Variants in DSCAM observed in about 807,000 individuals in gnomAD.
DSCAM encodes the protein DS cell adhesion molecule.
A neutral mutation model predicts 217.7 loss-of-function variants in DSCAM; 47 were observed. That is an observed-to-expected ratio of 0.22 (90% CI 0.17 to 0.28). The LOEUF (loss-of-function observed/expected upper bound fraction) is 0.28, where lower values mean the gene tolerates loss of function less well. Ranked by LOEUF, DSCAM falls within the 10% of genes least tolerant of loss-of-function variation. The probability of loss-of-function intolerance (pLI) is 1.00; values close to 1 mark genes in which losing one functional copy is unlikely to be tolerated. For missense variants in DSCAM, 2,080 were observed against 2,618.3 expected, an observed-to-expected ratio of 0.79 and a Z score of 4.49; for synonymous variants, 1,056 against 1,015.3, an observed-to-expected ratio of 1.04 and a Z score of -0.76.
chr21:40,126,739 C>T (rs978951623), intron 19 of DSCAM, among the ~76,000 whole-genome samples: 4 of 152,142 alleles, frequency 2.6e-5, no homozygotes, highest in African/African-American at 7.2e-5. Context: ...GTGTCACAGC[C>T]GATCAAGGGA....
rs368702813 is a variant in DSCAM, at chr21:40,541,768, G to A, written c.508+151042C>T. 7.1e-4 allele frequency among the ~76,000 whole-genome samples: 108 copies of A among 152,266 alleles called. 3 individuals are homozygous for A. In the South Asian group the frequency reaches 0.022, roughly 30 times the overall value. On this transcript the variant is annotated intron_variant, in intron 3 of 32. Coordinates refer to ENST00000400454, the MANE Select transcript of DSCAM (RefSeq NM_001389.5). ...ATACTTAAGGAAGAATGATTTTTCA[G>A]TATATTGATGTTTAGGAAGACTTGG...
intron 9 of DSCAM, among the ~76,000 whole-genome samples, chr21:40,299,044 C>T (rs1159719): frequency 0.18 from 27,479 of 152,020 alleles, 4,583 homozygotes; most frequent in African/African-American, 0.43. Flanking sequence ...GGATTTCCCA[C>T]GTACACCTCT....
chr21:40,341,309 G>C (rs1325145488), intron 6 of DSCAM, among the ~76,000 whole-genome samples: 2 of 152,122 alleles, frequency 1.3e-5, no homozygotes, highest in Non-Finnish European at 2.9e-5. Context: ...AGGAGTACTG[G>C]AGTTATTTCA....
chr21:40,771,322 A>C (rs542197486), intron 1 of DSCAM, among the ~76,000 whole-genome samples: 1 of 152,334 alleles, frequency 6.6e-6, no homozygotes, highest in African/African-American at 2.4e-5. Flanking sequence ...GTCATAACGC[A>C]GTTCTGAGCT....
intron 3 of DSCAM, among the ~76,000 whole-genome samples, chr21:40,607,726 G>A (rs1199877424): frequency 1.3e-5 from 2 of 152,118 alleles, no homozygotes; most frequent in African/African-American, 4.8e-5. Context: ...CTGCTGCCAT[G>A]TAAGACGTGC....
chr21:40,171,419 G>C (rs1447998088), intron 15 of DSCAM, among the ~76,000 whole-genome samples: 1 of 152,116 alleles, frequency 6.6e-6, no homozygotes, highest in Non-Finnish European at 1.5e-5. Context: ...AAGAGGAGAG[G>C]GGGTACAGTT....
At chr21:40,685,555 G>A in intron 3 of DSCAM, among the ~76,000 whole-genome samples, 1 of 152,318 alleles carries the variant, frequency 6.6e-6, no homozygotes, top group South Asian at 2.1e-4. Context: ...CATTGCTGGA[G>A]AAATTAAGTG....
At chr21:40,208,717 C>T (rs1037279283) in intron 11 of DSCAM, among the ~76,000 whole-genome samples, 8 of 152,158 alleles carry the variant, frequency 5.3e-5, no homozygotes, top group African/African-American at 1.9e-4. Context: ...CCTGACATAA[C>T]TGTTATCCGT....
intron 3 of DSCAM, among the ~76,000 whole-genome samples, chr21:40,594,356 C>T (rs1464099373): frequency 6.6e-6 from 1 of 152,156 alleles, no homozygotes; most frequent in Non-Finnish European, 1.5e-5. Flanking sequence ...CATAGCTTAT[C>T]ACAATAGCGG....
At chr21:40,268,278 C>T (rs1775867714) in intron 11 of DSCAM, among the ~76,000 whole-genome samples, 1 of 152,172 alleles carries the variant, frequency 6.6e-6, no homozygotes, top group Admixed American at 6.5e-5. Context: ...CACTAGGGAG[C>T]ATTCAGTGAA....
chr21:40,160,038 G>T (rs1407279644), intron 16 of DSCAM, among the ~76,000 whole-genome samples: 1 of 152,190 alleles, frequency 6.6e-6, no homozygotes, highest in Admixed American at 6.5e-5. Context: ...CTAGGATAGG[G>T]ATCCAAATCG....
intron 3 of DSCAM, among the ~76,000 whole-genome samples, chr21:40,656,327 C>T (rs1232573234): frequency 1.3e-5 from 2 of 152,144 alleles, no homozygotes; most frequent in Middle Eastern, 6.3e-3. Flanking sequence ...TCACCAGCCC[C>T]TTCAAAATCC....
rs570754912 is a variant in DSCAM, at chr21:40,060,471, G to A, written c.4919+2398C>T. Among the ~76,000 whole-genome samples, 37 of 152,122 alleles carry A rather than the reference G, an allele frequency of 2.4e-4. 1 individual carries two copies. The highest frequency in any genetic ancestry group is 8.9e-4 in the African/African-American group (37 of 41,532). ...AGTTTGGGAGTAGATAGGGGAGGGG[G>A]CCAGGGTAGGTTGTGCAGAGCACAG... is the stretch of plus-strand genomic sequence containing the variant. On this transcript the variant is annotated intron_variant, in intron 28 of 32. Transcript: ENST00000400454.
chr21:40,257,163 C>T (rs574095619), intron 11 of DSCAM, among the ~76,000 whole-genome samples: 56 of 152,228 alleles, frequency 3.7e-4, no homozygotes, highest in East Asian at 3.3e-3. Context: ...GAATTGGTTC[C>T]AGGAACCCCT....
intron 6 of DSCAM, among the ~76,000 whole-genome samples, chr21:40,342,221 TATA>T (rs1264750560): frequency 2.0e-5 from 3 of 152,158 alleles, no homozygotes; most frequent in Non-Finnish European, 4.4e-5. Flanking sequence ...TCAGATATCT[TATA>T]ATGATCTGAT....
chr21:40,339,553 C>T, intron 6 of DSCAM, 138 bp from the exon 7 acceptor site: 1 of 844,916 alleles, frequency 1.2e-6, no homozygotes, highest in Non-Finnish European at 1.8e-6. Context: ...CCTGATAAAG[C>T]AAAACGTTAA....
chr21:40,815,852 A>C (rs2091876887), intron 1 of DSCAM, among the ~76,000 whole-genome samples: 1 of 152,204 alleles, frequency 6.6e-6, no homozygotes, highest in Non-Finnish European at 1.5e-5. Context: ...TAAAGGGGAG[A>C]GAGGACTACA....
At position 40,452,146 on chromosome 21, in the gene DSCAM, G is replaced by A. The variant is rs569310436; in HGVS notation, c.509-82901C>T. On this transcript the variant is annotated intron_variant, in intron 3 of 32. Coordinates refer to ENST00000400454, the MANE Select transcript of DSCAM (RefSeq NM_001389.5). ...CATCCAATGAAAAATACAGAACACT[G>A]TATAGATACACAGACTATATGTACT... is the stretch of plus-strand genomic sequence containing the variant. 3.3e-5 allele frequency among the ~76,000 whole-genome samples: 5 copies of A among 151,440 alleles called. No homozygotes were observed. The South Asian group carries it at 8.3e-4, about 25-fold the overall frequency.
chr21:40,086,279 C>T (rs111828613), intron 22 of DSCAM, among the ~76,000 whole-genome samples: 3 of 152,184 alleles, frequency 2.0e-5, no homozygotes, highest in Non-Finnish European at 4.4e-5. Context: ...AAAAGAACTG[C>T]GTGGCCATCA....
Sources: gnomAD v4.1 joint callset for allele counts (sites outside exome capture counted in the v4.1 genomes callset) on GRCh38, gnomAD v4.1.1 for gene constraint, MANE v1.5 for transcripts, NCBI Gene and HGNC (gene_info 2026-07-23, HGNC 2026-07-21) for gene names.